The following TCF25 variants were observed in gnomAD, a reference collection of about 807,000 sequenced individuals.
The protein encoded by TCF25 is ribosome quality control complex subunit TCF25.
In TCF25, 41 loss-of-function variants were observed where a neutral mutation model predicts 83.1. The observed-to-expected ratio is 0.49, with a 90% CI of 0.38 to 0.64. The LOEUF is 0.64. Among genes scored for constraint, TCF25 ranks in the 30% least tolerant of loss-of-function variants. TCF25 has a pLI of 0.00. For synonymous variants in TCF25, 458 were observed against 365.0 expected (o/e 1.25, Z -2.90); for missense variants, 979 against 914.5 (o/e 1.07, Z -0.91).
chr16:89,879,275 C>T (rs569774553), intron 1 of TCF25, among the ~76,000 whole-genome samples: 4 of 147,210 alleles, frequency 2.7e-5, no homozygotes, highest in Non-Finnish European at 6.0e-5. Flanking sequence ...GCCTGTCACA[C>T]GTGTTGTCCG....
intron 11 of TCF25, among the ~76,000 whole-genome samples, chr16:89,899,738 A>G (rs1337108485): frequency 6.6e-6 from 1 of 152,116 alleles, no homozygotes; most frequent in Non-Finnish European, 1.5e-5. Context: ...CAAAAAAAAA[A>G]AAAGAAAATT....
chr16:89,900,627 C>T lies in TCF25; in HGVS notation c.1222-8C>T, dbSNP rs779854263. ...AGGCTCCACGCTCTGTTTCTTCGTC[C>T]CTCGTAGGCTCATCGGAACCTGTCC... On this transcript the variant is annotated splice_region_variant and splice_polypyrimidine_tract_variant and intron_variant, in intron 11 of 17. Coordinates refer to ENST00000263346, the MANE Select transcript of TCF25 (RefSeq NM_014972.3). 1 of 1,567,024 alleles carries T rather than the reference C, an allele frequency of 6.4e-7. No individual in the cohort carries two copies.
intron 16 of TCF25, among the ~76,000 whole-genome samples, chr16:89,908,544 T>C (rs1475994427): frequency 3.1e-5 from 4 of 130,306 alleles, no homozygotes; most frequent in Non-Finnish European, 5.0e-5. Flanking sequence ...AGCTCCCTCC[T>C]CCCACCTTCC....
At chr16:89,887,342 T>C (rs1002015126) in intron 4 of TCF25, among the ~76,000 whole-genome samples, 1 of 149,712 alleles carries the variant, frequency 6.7e-6, no homozygotes, top group Non-Finnish European at 1.5e-5. Context: ...TAAGACGCAG[T>C]AGTGTAGTCC....
chr16:89,908,259 CCAGCTCCCTCT>C (rs773524789), intron 16 of TCF25, among the ~76,000 whole-genome samples: 8,077 of 135,572 alleles, frequency 0.06, 480 homozygotes, highest in East Asian at 0.13. Flanking sequence ...CTCCCACCTC[CCAGCTCCCTCT>C]TCCCTCCTCC....
intron 2 of TCF25, chr16:89,883,837 G>A (rs548093609): frequency 3.1e-5 from 8 of 259,234 alleles, no homozygotes; most frequent in African/African-American, 1.5e-4. Context: ...CTAGCCGACC[G>A]CGCACGTGTG....
intron 7 of TCF25, among the ~76,000 whole-genome samples, chr16:89,894,296 C>T (rs914365648): frequency 1.3e-5 from 2 of 149,664 alleles, no homozygotes; most frequent in African/African-American, 5.0e-5. Context: ...TGGACAGTCC[C>T]CGTACAGCCC....
At chr16:89,901,054 C>T (rs2044282538) in intron 12 of TCF25, 1 of 376,668 alleles carries the variant, frequency 2.7e-6, no homozygotes, top group African/African-American at 2.0e-5. Flanking sequence ...AGTGCAGAGA[C>T]AGAACTGGCT....
chr16:89,898,021 A>G (rs1235134158), intron 9 of TCF25, among the ~76,000 whole-genome samples: 1 of 151,866 alleles, frequency 6.6e-6, no homozygotes, highest in African/African-American at 2.4e-5. Flanking sequence ...GGAGAATGGC[A>G]TGAACCCAGG....
intron 2 of TCF25, chr16:89,883,838 C>G (rs186007592): frequency 3.0e-5 from 8 of 264,674 alleles, no homozygotes; most frequent in Non-Finnish European, 5.3e-5. Context: ...TAGCCGACCG[C>G]GCACGTGTGT....
At chr16:89,877,194 G>T (rs1054347445) in intron 1 of TCF25, among the ~76,000 whole-genome samples, 1 of 152,080 alleles carries the variant, frequency 6.6e-6, no homozygotes, top group African/African-American at 2.4e-5. Context: ...TTTGCTGTGT[G>T]TGGGTGTGTG....
In TCF25 at chr16:89,904,135, G is replaced by A. The variant is rs751775944; in HGVS notation, c.1399G>A (p.Glu467Lys). The change falls in exon 13 of 18, where the codon GAG becomes AAG. Residue 467 changes from glutamate (E) to lysine (K), a missense_variant. Coordinates refer to ENST00000263346, the MANE Select transcript of TCF25 (RefSeq NM_014972.3). ...MFPGVLLPLL[E>K]SCSVRPDASV... ...CCCTGCAGTCCTCCTGCCCCTGCTC[G>A]AGTCTTGCAGTGTGCGGCCCGACGC... is the stretch of plus-strand genomic sequence containing the variant. 6.2e-6 allele frequency: 10 copies of A among 1,607,184 alleles called. No homozygotes were observed. The highest frequency in any genetic ancestry group is 1.1e-5 in the South Asian group (1 of 89,500).
intron 11 of TCF25, among the ~76,000 whole-genome samples, chr16:89,900,396 G>A (rs1470818356): frequency 1.3e-5 from 2 of 152,132 alleles, no homozygotes; most frequent in Non-Finnish European, 2.9e-5. Context: ...CGGTGTCCTC[G>A]CTCCGGCTCA....
chr16:89,895,827 G>T (rs1480008162), intron 8 of TCF25, among the ~76,000 whole-genome samples, 163 bp from the exon 9 acceptor site: 1 of 152,206 alleles, frequency 6.6e-6, no homozygotes, highest in African/African-American at 2.4e-5. Context: ...TAAATGCAGC[G>T]TGGCATCCAG....
chr16:89,907,375 GTTCCCA>G, intron 16 of TCF25, 53 bp downstream of exon 16: 1 of 45,768 alleles, frequency 2.2e-5, no homozygotes, highest in Non-Finnish European at 2.9e-5. Context: ...CCTCCTCCCA[GTTCCCA>G]GCTCCCAGCT....
intron 1 of TCF25, among the ~76,000 whole-genome samples, chr16:89,880,203 G>A (rs1418894144): frequency 2.3e-4 from 35 of 152,130 alleles, no homozygotes; most frequent in Admixed American, 2.3e-3. Flanking sequence ...GTTCAGCTTG[G>A]CATAGAGCTT....
chr16:89,879,944 A>G (rs542754962), intron 1 of TCF25, among the ~76,000 whole-genome samples: 5 of 151,588 alleles, frequency 3.3e-5, no homozygotes, highest in South Asian at 2.1e-4. Flanking sequence ...TGGGCCTATC[A>G]TGTGTGCTGT....
At chr16:89,907,598 A>C (rs867711619) in intron 16 of TCF25, among the ~76,000 whole-genome samples, 118 of 94,392 alleles carry the variant, frequency 1.3e-3, no homozygotes, top group African/African-American at 4.4e-3. Context: ...CCCAGTTCCC[A>C]CCTCCCAGCT....
intron 1 of TCF25, chr16:89,874,948 G>C (rs1486415694): frequency 2.0e-5 from 3 of 152,028 alleles, no homozygotes; most frequent in African/African-American, 7.3e-5. Flanking sequence ...ACCTTTAGTG[G>C]TCCCCAAGAC....
Sources: gnomAD v4.1 joint callset for allele counts (sites outside exome capture counted in the v4.1 genomes callset) on GRCh38, gnomAD v4.1.1 for gene constraint, MANE v1.5 for transcripts, NCBI Gene and HGNC (gene_info 2026-07-23, HGNC 2026-07-21) for gene names.